The following TENM3 variants were observed in gnomAD, a reference collection of about 807,000 sequenced individuals.
TENM3 encodes the protein teneurin transmembrane protein 3.
In TENM3, 63 loss-of-function variants were observed where a neutral mutation model predicts 255.1. The ratio of observed to expected loss-of-function variants is 0.25; its 90% CI spans 0.20 to 0.30. TENM3 has a LOEUF of 0.30. Among genes scored for constraint, TENM3 ranks in the 10% least tolerant of loss-of-function variants. The pLI is 1.00. For synonymous variants in TENM3, 1,306 were observed against 1,322.3 expected (o/e 0.99, Z 0.27); for missense variants, 2,929 against 3,461.1 (o/e 0.85, Z 3.86).
At chr4:182,685,332 C>T (rs534145874) in intron 11 of TENM3, among the ~76,000 whole-genome samples, 2 of 152,206 alleles carry the variant, frequency 1.3e-5, no homozygotes, top group East Asian at 3.9e-4. Flanking sequence ...AAATTCACAT[C>T]TGCTAGAGCA....
At chr4:182,777,196 G>C (rs1764744623) in intron 24 of TENM3, among the ~76,000 whole-genome samples, 1 of 151,994 alleles carries the variant, frequency 6.6e-6, no homozygotes, top group African/African-American at 2.4e-5. Context: ...TCCTGAGACA[G>C]AGGATGCCAC....
intron 3 of TENM3, among the ~76,000 whole-genome samples, chr4:182,512,684 A>G (rs1458954558): frequency 6.6e-6 from 1 of 152,212 alleles, no homozygotes; most frequent in African/African-American, 2.4e-5. Flanking sequence ...ATAAGAGCAT[A>G]TTGGGAGTGA....
chr4:181,573,716 G>T, the TENM3 span, among the ~76,000 whole-genome samples: 1 of 151,886 alleles, frequency 6.6e-6, no homozygotes, highest in South Asian at 2.1e-4. Context: ...ACAAACTCAG[G>T]TTATATTAGA....
At chr4:181,791,754 C>T in the TENM3 span, among the ~76,000 whole-genome samples, 4 of 152,088 alleles carry the variant, frequency 2.6e-5, no homozygotes, top group Non-Finnish European at 5.9e-5. Flanking sequence ...CACTGGAGAC[C>T]CTTATTATAT....
At chr4:181,629,167 A>T in the TENM3 span, among the ~76,000 whole-genome samples, 13,609 of 152,038 alleles carry the variant, frequency 0.09, 651 homozygotes, top group East Asian at 0.15. Context: ...AATGCTTGTG[A>T]TTTTTGCACA....
intron 12 of TENM3, among the ~76,000 whole-genome samples, chr4:182,696,969 G>GC (rs78214888): frequency 0.53 from 79,698 of 151,722 alleles, 21,484 homozygotes; most frequent in Non-Finnish European, 0.57. Flanking sequence ...AATTACTTAA[G>GC]CCCCCTGTGC....
At chr4:182,418,311 T>C (rs561734946) in intron 3 of TENM3, among the ~76,000 whole-genome samples, 95 of 152,348 alleles carry the variant, frequency 6.2e-4, no homozygotes, top group African/African-American at 2.1e-3. Flanking sequence ...TCAAGGAAGA[T>C]AGAAAACAGC....
intron 2 of TENM3, among the ~76,000 whole-genome samples, chr4:182,343,259 T>G (rs1378117448): frequency 6.6e-6 from 1 of 152,214 alleles, no homozygotes; most frequent in Non-Finnish European, 1.5e-5. Flanking sequence ...TACAATTTAT[T>G]GTTTTGGTCC....
intron 3 of TENM3, among the ~76,000 whole-genome samples, chr4:182,361,529 G>A (rs1580292706): frequency 6.6e-6 from 1 of 152,184 alleles, no homozygotes; most frequent in African/African-American, 2.4e-5. Context: ...TGAGGCTTCT[G>A]CATTCTTCAC....
chr4:182,587,201 C>T lies in TENM3; in HGVS notation c.512-13723C>T, dbSNP rs550775716. On this transcript the variant is annotated intron_variant, in intron 3 of 27. Coordinates refer to ENST00000511685, the MANE Select transcript of TENM3 (RefSeq NM_001080477.4). ...AACCTCCTAGGCTCAAGTGATCCTC[C>T]CATCTCAGCCTCCCAAGTATTAATA... 3.3e-5 allele frequency among the ~76,000 whole-genome samples: 5 copies of T among 152,058 alleles called. No individual in the cohort carries two copies. In the East Asian group the frequency reaches 9.7e-4, roughly 30 times the overall value.
intron 1 of TENM3, among the ~76,000 whole-genome samples, chr4:182,227,616 T>A (rs1017496021): frequency 2.0e-5 from 3 of 151,860 alleles, no homozygotes; most frequent in African/African-American, 7.3e-5. Context: ...CTAATTTTTT[T>A]CTTCGTGTAG....
Position 182,528,941 on chromosome 4 carries a change from G to A in TENM3, c.512-71983G>A, listed in dbSNP as rs544631750. Among the ~76,000 whole-genome samples the A allele has an allele frequency of 4.6e-5, 7 of 152,336 alleles. No homozygotes were observed. The South Asian group carries it at 1.5e-3, about 32-fold the overall frequency. ...AGCTGGATTTAAAAGATTGTACTTT[G>A]ATTGTAGAAGTTCAGAGTTCGTATT... On this transcript the variant is annotated intron_variant, in intron 3 of 27. Coordinates refer to ENST00000511685, the MANE Select transcript of TENM3 (RefSeq NM_001080477.4).
chr4:182,202,487 T>A (rs561543557), intron 1 of TENM3, among the ~76,000 whole-genome samples: 1 of 152,120 alleles, frequency 6.6e-6, no homozygotes, highest in South Asian at 2.1e-4. Flanking sequence ...ATATTTTTAA[T>A]AGAGACGGGG....
chr4:182,261,451 G>A (rs774103983), intron 1 of TENM3, among the ~76,000 whole-genome samples: 3 of 152,078 alleles, frequency 2.0e-5, no homozygotes, highest in Non-Finnish European at 4.4e-5. Flanking sequence ...CAGGAATGTG[G>A]GCTAATTAAT....
intron 1 of TENM3, among the ~76,000 whole-genome samples, chr4:182,310,186 A>ATTC (rs5864776): frequency 0.24 from 36,758 of 152,022 alleles, 4,610 homozygotes; most frequent in Middle Eastern, 0.28. Context: ...AGAACTTGTT[A>ATTC]TTTCAGAAGC....
At position 182,636,740 on chromosome 4, in the gene TENM3, A is replaced by C. The variant is rs544929459; in HGVS notation, c.988+7851A>C. Among the ~76,000 whole-genome samples, 4 of 92,794 alleles carry C rather than the reference A, an allele frequency of 4.3e-5. No homozygotes were observed. In the East Asian group the frequency reaches 7.7e-4, roughly 18 times the overall value. The allele number at this position is 92,794 out of a possible 152,430, so 60.9% of individuals were successfully genotyped here. ...TCAAAAAAAAAAAAAGAAAGAAAGA[A>C]AAGAAAAGAATACACTTAAACAGAT... On this transcript the variant is annotated intron_variant, in intron 5 of 27. Transcript: ENST00000511685.
chr4:182,078,624 CCTT>C, the TENM3 span, among the ~76,000 whole-genome samples: 5 of 152,146 alleles, frequency 3.3e-5, no homozygotes, highest in Non-Finnish European at 7.3e-5. Flanking sequence ...TTAAAACAAT[CCTT>C]CTCACTGCTG....
At chr4:181,462,758 A>C in the TENM3 span, among the ~76,000 whole-genome samples, 1 of 152,286 alleles carries the variant, frequency 6.6e-6, no homozygotes, top group Non-Finnish European at 1.5e-5. Context: ...AGCTGAGTCA[A>C]GTTCCCACTC....
the TENM3 span, among the ~76,000 whole-genome samples, chr4:181,723,313 C>T: frequency 0.034 from 5,109 of 150,594 alleles, 136 homozygotes; most frequent in Middle Eastern, 0.12. Flanking sequence ...AATCTCCATT[C>T]GTTATCTTCC....
Sources: gnomAD v4.1 joint callset for allele counts (sites outside exome capture counted in the v4.1 genomes callset) on GRCh38, gnomAD v4.1.1 for gene constraint, MANE v1.5 for transcripts, NCBI Gene and HGNC (gene_info 2026-07-23, HGNC 2026-07-21) for gene names.